RB1: variants seen among roughly 807,000 people sequenced by gnomAD.
RB1 encodes retinoblastoma-associated protein.
Under a neutral mutation model 135.4 loss-of-function variants are expected in RB1, and 18 were observed. The ratio of observed to expected loss-of-function variants is 0.13; its 90% CI spans 0.09 to 0.20. RB1 has a LOEUF of 0.20. Among genes scored for constraint, RB1 ranks in the 10% least tolerant of loss-of-function variants. The pLI is 1.00. For missense variants in RB1, 868 were observed against 1,110.0 expected, an observed-to-expected ratio of 0.78 and a Z score of 3.10; for synonymous variants, 365 against 373.2, an observed-to-expected ratio of 0.98 and a Z score of 0.25.
chr13:48,354,941 T>C (rs1430399029), intron 6 of RB1, among the ~76,000 whole-genome samples: 1 of 152,126 alleles, frequency 6.6e-6, no homozygotes, highest in African/African-American at 2.4e-5. Context: ...GACTTAAATC[T>C]AAGACCTTAA....
chr13:48,351,225 T>C (rs929304784), intron 6 of RB1, among the ~76,000 whole-genome samples: 2 of 152,162 alleles, frequency 1.3e-5, no homozygotes, highest in Non-Finnish European at 2.9e-5. Flanking sequence ...CTCTTTTCTT[T>C]TGCAACCTCA....
intron 6 of RB1, among the ~76,000 whole-genome samples, chr13:48,351,356 T>C (rs1002150473): frequency 1.3e-5 from 2 of 152,160 alleles, no homozygotes; most frequent in Non-Finnish European, 1.5e-5. Context: ...TTTTTTTTCA[T>C]ATGCTTATTG....
At chr13:48,324,429 A>ATT (rs770346287) in intron 2 of RB1, among the ~76,000 whole-genome samples, 1 of 55,796 alleles carries the variant, frequency 1.8e-5, no homozygotes, top group Admixed American at 1.8e-4. Flanking sequence ...CATGAGTTCA[A>ATT]TATTTTTTTT....
chr13:48,339,464 C>T (rs2138079279), intron 2 of RB1, among the ~76,000 whole-genome samples: 1 of 152,340 alleles, frequency 6.6e-6, no homozygotes, highest in South Asian at 2.1e-4. Context: ...GTGTGGGACC[C>T]TCCGAGCCAG....
chr13:48,457,072 G>T (rs1254354054), intron 19 of RB1, among the ~76,000 whole-genome samples: 2 of 152,198 alleles, frequency 1.3e-5, no homozygotes, highest in African/African-American at 4.8e-5. Flanking sequence ...TGGGTCCTGA[G>T]TTCTTGTCCT....
chr13:48,437,440 A>C (rs1161543531), intron 17 of RB1, among the ~76,000 whole-genome samples: 1 of 152,250 alleles, frequency 6.6e-6, no homozygotes, highest in African/African-American at 2.4e-5. Context: ...ATTATCTCAC[A>C]CAAATTCTGA....
At chr13:48,320,396 A>G in intron 2 of RB1, 2 of 1,162,178 alleles carry the variant, frequency 1.7e-6, no homozygotes, top group Middle Eastern at 2.4e-4. Context: ...CACCCGGGGA[A>G]CCTAAAGCTC....
chr13:48,363,216 T>C (rs1791386201), intron 8 of RB1, among the ~76,000 whole-genome samples: 1 of 152,030 alleles, frequency 6.6e-6, no homozygotes, highest in South Asian at 2.1e-4. Context: ...TTTTTTTTTT[T>C]TTTATTCCTC....
chr13:48,390,137 A>C (rs1948600178), intron 17 of RB1, among the ~76,000 whole-genome samples: 1 of 152,168 alleles, frequency 6.6e-6, no homozygotes. Context: ...GTAGAATGAG[A>C]TCCTGCCTCA....
intron 2 of RB1, chr13:48,318,438 T>G: frequency 6.8e-7 from 1 of 1,461,254 alleles, no homozygotes; most frequent in Non-Finnish European, 9.4e-7. Context: ...GGAGCTGCTC[T>G]TGTCTTCGGA....
intron 2 of RB1, among the ~76,000 whole-genome samples, chr13:48,334,806 G>A (rs1010977206): frequency 1.3e-5 from 2 of 152,108 alleles, no homozygotes; most frequent in Admixed American, 6.5e-5. Context: ...CATTAGATTG[G>A]TTCAAATGAA....
chr13:48,370,492 C>T (rs989681823), intron 11 of RB1, among the ~76,000 whole-genome samples: 1 of 152,134 alleles, frequency 6.6e-6, no homozygotes, highest in African/African-American at 2.4e-5. Context: ...AGTTGGGGTT[C>T]CCATGACACC....
chr13:48,465,832 A>C (rs1326952575), intron 23 of RB1, among the ~76,000 whole-genome samples: 4 of 151,324 alleles, frequency 2.6e-5, no homozygotes, highest in Non-Finnish European at 5.9e-5. Context: ...TCCCACCCGA[A>C]TATTGCACTT....
At chr13:48,378,023 C>T (rs550303486) in intron 13 of RB1, among the ~76,000 whole-genome samples, 1 of 152,234 alleles carries the variant, frequency 6.6e-6, no homozygotes, top group East Asian at 1.9e-4. Flanking sequence ...ATGAAAGGAG[C>T]TTACAGGATT....
intron 2 of RB1, among the ~76,000 whole-genome samples, chr13:48,330,487 CTG>C (rs938575147): frequency 6.6e-6 from 1 of 152,058 alleles, no homozygotes; most frequent in African/African-American, 2.4e-5. Flanking sequence ...GACATTATGA[CTG>C]ATATCACAGA....
At chr13:48,359,547 A>C (rs1233420929) in intron 6 of RB1, among the ~76,000 whole-genome samples, 1 of 147,676 alleles carries the variant, frequency 6.8e-6, no homozygotes, top group Non-Finnish European at 1.5e-5. Flanking sequence ...TACTTATAAA[A>C]GTGGAATTAA....
At chr13:48,465,945 T>C (rs1860207876) in intron 23 of RB1, among the ~76,000 whole-genome samples, 1 of 147,552 alleles carries the variant, frequency 6.8e-6, no homozygotes, top group Admixed American at 6.8e-5. Flanking sequence ...CACAGCAGTC[T>C]GTGATCAAAC....
chr13:48,359,483 A>G (rs1355438984), intron 6 of RB1, among the ~76,000 whole-genome samples: 1 of 148,404 alleles, frequency 6.7e-6, no homozygotes, highest in African/African-American at 2.4e-5. Context: ...AATTAATTGA[A>G]TCATTGGAAT....
At chr13:48,421,845 G>A (rs746567284) in intron 17 of RB1, among the ~76,000 whole-genome samples, 8 of 152,102 alleles carry the variant, frequency 5.3e-5, no homozygotes, top group Non-Finnish European at 1.2e-4. Flanking sequence ...TTAGAATGGC[G>A]ATTATTAAAA....
Sources: gnomAD v4.1 joint callset for allele counts (sites outside exome capture counted in the v4.1 genomes callset) on GRCh38, gnomAD v4.1.1 for gene constraint, MANE v1.5 for transcripts, NCBI Gene and HGNC (gene_info 2026-07-23, HGNC 2026-07-21) for gene names.